The following HIGD1C variants were observed in gnomAD, a reference collection of about 807,000 sequenced individuals.
The protein encoded by HIGD1C is HIG1 hypoxia inducible domain family member 1C.
HIGD1C carries 11 observed loss-of-function variants against 13.1 expected under a neutral mutation model. The observed-to-expected ratio is 0.84, with a 90% confidence interval of 0.53 to 1.39. HIGD1C has a LOEUF of 1.39. HIGD1C is among the 40% of genes most tolerant of loss of function. The pLI, the probability that HIGD1C is intolerant of heterozygous loss-of-function variation, is 0.00. For missense variants in HIGD1C, 110 were observed against 112.0 expected (o/e 0.98, Z 0.08); for synonymous variants, 36 against 37.7 (o/e 0.95, Z 0.17).
At chr12:50,970,148 T>C (rs975439546) in intron 2 of HIGD1C, among the ~76,000 whole-genome samples, 6 of 152,232 alleles carry the variant, frequency 3.9e-5, no homozygotes, top group African/African-American at 1.4e-4. Flanking sequence ...ACTACTATTT[T>C]TATCTTCACA....
chr12:50,962,109 G>A, intron 2 of HIGD1C, among the ~76,000 whole-genome samples: 1 of 152,182 alleles, frequency 6.6e-6, no homozygotes, highest in East Asian at 1.9e-4. Context: ...AGGCTGGCTG[G>A]GCGCAGTGGC....
At position 50,958,431 on chromosome 12, in the gene HIGD1C, G is replaced by A. The variant is rs565445745; in HGVS notation, c.95-2537G>A. Among the ~76,000 whole-genome samples the A allele has an allele frequency of 7.9e-5, 12 of 151,144 alleles. No individual in the cohort carries two copies. The South Asian group carries it at 2.3e-3, about 29-fold the overall frequency. Reference sequence around the variant, plus strand: ...CGAGTAGCTGGGACTACAGGCACCCGCCACCACACCCGGCTAATTTTTTGT... The same window carrying A: ...CGAGTAGCTGGGACTACAGGCACCCACCACCACACCCGGCTAATTTTTTGT... On this transcript the variant is annotated intron_variant, in intron 1 of 2. Transcript: ENST00000398455.
chr12:50,938,709 C>A, the HIGD1C span, among the ~76,000 whole-genome samples: 5 of 152,342 alleles, frequency 3.3e-5, no homozygotes, highest in East Asian at 9.6e-4. Flanking sequence ...ACAGCTATCA[C>A]CATCACCTTA....
At chr12:50,962,079 T>C (rs1053130298) in intron 2 of HIGD1C, among the ~76,000 whole-genome samples, 1 of 152,154 alleles carries the variant, frequency 6.6e-6, no homozygotes, top group Admixed American at 6.5e-5. Context: ...AAGTTATAGA[T>C]GCCGTGACAG....
At chr12:50,953,634 A>G (rs1004154642), upstream of HIGD1C, among the ~76,000 whole-genome samples, 1 of 152,254 alleles carries the variant, frequency 6.6e-6, no homozygotes, top group African/African-American at 2.4e-5. Context: ...CTTTAAAAAG[A>G]AAATGTGTTC....
At chr12:50,958,572 C>T (rs184118495) in intron 1 of HIGD1C, among the ~76,000 whole-genome samples, 187 of 151,770 alleles carry the variant, frequency 1.2e-3, no homozygotes, top group African/African-American at 4.1e-3. Flanking sequence ...TGAGCCACCG[C>T]GCCCGGCCTA....
chr12:50,963,369 C>CAAAAAAAAAAAAAAAAAAAAAA (rs35764288), intron 2 of HIGD1C, among the ~76,000 whole-genome samples: 1 of 72,398 alleles, frequency 1.4e-5, no homozygotes, highest in Non-Finnish European at 2.7e-5. Flanking sequence ...GACTCCATCT[C>CAAAAAAAAAAAAAAAAAAAAAA]AAAAAAAAAA....
chr12:50,954,177 T>C, intron 1 of HIGD1C, 85 bp downstream of exon 3: 2 of 805,766 alleles, frequency 2.5e-6, no homozygotes, highest in Non-Finnish European at 4.1e-6. Flanking sequence ...GAAATGTTTC[T>C]TATAATTGAA....
At chr12:50,940,113 T>C in the HIGD1C span, 1 of 152,148 alleles carries the variant, frequency 6.6e-6, no homozygotes, top group South Asian at 2.1e-4. Flanking sequence ...TTTGCAAAAT[T>C]CTTATTTTTG....
chr12:50,945,418 T>C, the HIGD1C span, among the ~76,000 whole-genome samples: 11 of 152,118 alleles, frequency 7.2e-5, no homozygotes, highest in African/African-American at 2.4e-4. Context: ...GCAAAAATCA[T>C]AAGCATTCCT....
At chr12:50,936,381 A>G in the HIGD1C span, among the ~76,000 whole-genome samples, 1 of 152,186 alleles carries the variant, frequency 6.6e-6, no homozygotes, top group Non-Finnish European at 1.5e-5. Flanking sequence ...AAGTGCTGTG[A>G]TTACAGGCAT....
upstream of HIGD1C, among the ~76,000 whole-genome samples, chr12:50,952,183 C>T (rs529197450): frequency 1.0e-3 from 153 of 149,630 alleles, 3 homozygotes; most frequent in Middle Eastern, 0.028. Flanking sequence ...GAACACTGTA[C>T]TATGGTTATA....
At chr12:50,967,904 T>G (rs1459571443) in intron 2 of HIGD1C, among the ~76,000 whole-genome samples, 1 of 152,112 alleles carries the variant, frequency 6.6e-6, no homozygotes, top group East Asian at 1.9e-4. Context: ...CTGGGCAACA[T>G]GGCGAATACC....
the HIGD1C span, among the ~76,000 whole-genome samples, chr12:50,941,882 T>C: frequency 6.6e-6 from 1 of 152,136 alleles, no homozygotes; most frequent in East Asian, 1.9e-4. Flanking sequence ...CTATTCATGC[T>C]CCCTTGTTCC....
At chr12:50,944,927 T>G in the HIGD1C span, among the ~76,000 whole-genome samples, 8 of 152,180 alleles carry the variant, frequency 5.3e-5, no homozygotes, top group East Asian at 1.5e-3. Context: ...CAAGGCTGGT[T>G]CAACATACAC....
At chr12:50,964,583 G>A (rs1939471433) in intron 2 of HIGD1C, among the ~76,000 whole-genome samples, 1 of 152,156 alleles carries the variant, frequency 6.6e-6, no homozygotes, top group Non-Finnish European at 1.5e-5. Context: ...TATGACATAC[G>A]GCTGGAGAGT....
chr12:50,932,283 C>T, the HIGD1C span: 1 of 152,076 alleles, frequency 6.6e-6, no homozygotes, highest in African/African-American at 2.4e-5. Flanking sequence ...CTAATTCCAC[C>T]CCTGTTGGAA....
the HIGD1C span, among the ~76,000 whole-genome samples, chr12:50,947,839 C>A: frequency 6.6e-6 from 1 of 152,142 alleles, no homozygotes; most frequent in South Asian, 2.1e-4. Flanking sequence ...ATCTCAGCTA[C>A]TTGGGAGGCC....
the HIGD1C span, among the ~76,000 whole-genome samples, chr12:50,947,636 A>G: frequency 6.6e-6 from 1 of 152,200 alleles, no homozygotes; most frequent in Admixed American, 6.5e-5. Flanking sequence ...TCCCTTTGCC[A>G]TGTAATGTAA....
Sources: allele counts gnomAD v4.1 joint callset (sites outside exome capture counted in the v4.1 genomes callset), GRCh38; gene constraint gnomAD v4.1.1; transcripts MANE v1.5; gene names NCBI Gene and HGNC (gene_info 2026-07-23, HGNC 2026-07-21).